Variants in APBB2 observed in about 807,000 individuals in gnomAD.
APBB2 encodes the protein Fe65-like 1.
In APBB2, 38 loss-of-function variants were observed where a neutral mutation model predicts 82.5. That is an observed-to-expected ratio of 0.46 (90% confidence interval 0.36 to 0.60). The LOEUF (loss-of-function observed/expected upper bound fraction) is 0.60. Among genes scored for constraint, APBB2 ranks in the 20% least tolerant of loss-of-function variants. APBB2 has a pLI of 0.00. For missense variants in APBB2, 772 were observed against 972.3 expected, an observed-to-expected ratio of 0.79 and a Z score of 2.74; for synonymous variants, 341 against 368.2, an observed-to-expected ratio of 0.93 and a Z score of 0.85.
At chr4:41,131,296 C>A (rs1755898945) in intron 2 of APBB2, among the ~76,000 whole-genome samples, 1 of 152,076 alleles carries the variant, frequency 6.6e-6, no homozygotes, top group African/African-American at 2.4e-5. Context: ...AGTTTGCTAT[C>A]TTTGTATTAG....
In APBB2 at chr4:40,816,068, AGCC is replaced by A. The variant is rs1475890659; in HGVS notation, c.*21_*23del. 6.2e-7 allele frequency: 1 copy of A among 1,602,982 alleles called. No homozygotes were observed. The highest frequency in any genetic ancestry group is 1.7e-5 in the Admixed American group (1 of 59,550). ...GTAGCTAGTCAATCTTCAGGTAAATAGCCGAGTCCTTTTGCATGTGCAGCTATG... is the reference window on the plus strand; with the variant it reads ...GTAGCTAGTCAATCTTCAGGTAAATAGAGTCCTTTTGCATGTGCAGCTATG... On this transcript the variant is annotated 3_prime_UTR_variant, in exon 18 of 18. Coordinates refer to ENST00000508593, the MANE Select transcript of APBB2 (RefSeq NM_004307.2).
rs191955778 is a variant in APBB2, at chr4:41,038,090, C to T, written c.-50-4786G>A. ...CTTCTAGCAGTGTTTCCACATGTCC[C>T]GTTAATGAAAATTCTTAATGCTGAT... On this transcript the variant is annotated intron_variant, in intron 4 of 17. Transcript: ENST00000508593. 8.4e-4 allele frequency among the ~76,000 whole-genome samples: 127 copies of T among 151,912 alleles called. 2 individuals carry two copies. The highest frequency in any genetic ancestry group is 2.8e-3 in the African/African-American group (114 of 41,434).
intron 6 of APBB2, among the ~76,000 whole-genome samples, chr4:40,976,990 A>T (rs1344280263): frequency 6.6e-6 from 1 of 152,186 alleles, no homozygotes; most frequent in Non-Finnish European, 1.5e-5. Context: ...TCGAGGCTAC[A>T]GTGAGCTATG....
intron 12 of APBB2, among the ~76,000 whole-genome samples, chr4:40,870,709 A>G (rs544849381): frequency 1.1e-4 from 16 of 150,096 alleles, no homozygotes; most frequent in South Asian, 8.5e-4. Flanking sequence ...ATATACATAT[A>G]TGTGTGTGTG....
intron 12 of APBB2, among the ~76,000 whole-genome samples, chr4:40,846,036 G>A (rs1052269411): frequency 6.9e-6 from 1 of 145,440 alleles, no homozygotes; most frequent in Non-Finnish European, 1.5e-5. Context: ...GTGTGTGTGT[G>A]TGTGTGTGTG....
chr4:41,131,271 T>C (rs1420876878), intron 2 of APBB2, among the ~76,000 whole-genome samples: 1 of 152,178 alleles, frequency 6.6e-6, no homozygotes, highest in African/African-American at 2.4e-5. Flanking sequence ...TGGGTCCCTG[T>C]CTTGTCGGCA....
chr4:41,042,797 A>G (rs1296268822), intron 4 of APBB2, among the ~76,000 whole-genome samples: 1 of 152,198 alleles, frequency 6.6e-6, no homozygotes, highest in Non-Finnish European at 1.5e-5. Context: ...CTCAGCAGAG[A>G]CTATGAGAAG....
intron 12 of APBB2, among the ~76,000 whole-genome samples, chr4:40,845,623 A>C: frequency 2.7e-5 from 4 of 146,076 alleles, no homozygotes; most frequent in Admixed American, 7.0e-5. Flanking sequence ...AAACCAGCAC[A>C]CCAGAATGAC....
At chr4:41,189,538 A>G (rs1483832509) in intron 1 of APBB2, among the ~76,000 whole-genome samples, 2 of 152,196 alleles carry the variant, frequency 1.3e-5, no homozygotes, top group African/African-American at 4.8e-5. Flanking sequence ...CATTACAGTG[A>G]CAGTAAATCC....
intron 12 of APBB2, among the ~76,000 whole-genome samples, chr4:40,888,427 C>T (rs183297294): frequency 9.2e-5 from 14 of 152,368 alleles, no homozygotes; most frequent in Admixed American, 5.2e-4. Flanking sequence ...CACTCGTACA[C>T]GCATGGAATG....
chr4:41,201,667 G>C (rs900542927), intron 1 of APBB2, among the ~76,000 whole-genome samples: 21 of 152,064 alleles, frequency 1.4e-4, no homozygotes, highest in African/African-American at 5.1e-4. Flanking sequence ...TTTAAACCCA[G>C]ATCTATACAG....
At chr4:40,816,371 G>A (rs1006263001) in intron 17 of APBB2, 112 bp from the exon 18 acceptor site, 1 of 1,080,976 alleles carries the variant, frequency 9.3e-7, no homozygotes, top group African/African-American at 1.6e-5. Context: ...TAACGACCTA[G>A]TTCCTAAACA....
At chr4:40,825,576 C>T (rs1209202464) in intron 15 of APBB2, among the ~76,000 whole-genome samples, 1 of 152,228 alleles carries the variant, frequency 6.6e-6, no homozygotes, top group East Asian at 1.9e-4. Context: ...ATGGAGGCCT[C>T]GTTTCAGAGC....
chr4:40,954,405 T>G (rs2154385587), intron 6 of APBB2, among the ~76,000 whole-genome samples: 2 of 152,176 alleles, frequency 1.3e-5, no homozygotes, highest in Admixed American at 1.3e-4. Flanking sequence ...GAAGGTGGCT[T>G]AATTAATTCA....
intron 1 of APBB2, among the ~76,000 whole-genome samples, chr4:41,146,487 C>T (rs1350557708): frequency 6.6e-6 from 1 of 152,016 alleles, no homozygotes; most frequent in Non-Finnish European, 1.5e-5. Context: ...GAACAAGACC[C>T]CGTCTCAGAA....
chr4:41,202,338 T>G (rs1001715582), intron 1 of APBB2, among the ~76,000 whole-genome samples: 1 of 152,238 alleles, frequency 6.6e-6, no homozygotes, highest in African/African-American at 2.4e-5. Context: ...CTGGCTAATT[T>G]CACTTAGCAT....
intron 12 of APBB2, among the ~76,000 whole-genome samples, chr4:40,839,249 A>G (rs1198735870): frequency 6.6e-6 from 1 of 151,682 alleles, no homozygotes. Context: ...GGCTCAAAAT[A>G]TATTTTTTCT....
At chr4:41,048,160 A>T (rs930160046) in intron 4 of APBB2, among the ~76,000 whole-genome samples, 2 of 152,216 alleles carry the variant, frequency 1.3e-5, no homozygotes, top group Non-Finnish European at 2.9e-5. Context: ...GAGCATCCCA[A>T]ATCCAAAAAT....
chr4:41,078,473 T>C (rs2153925660), intron 3 of APBB2, among the ~76,000 whole-genome samples: 1 of 152,366 alleles, frequency 6.6e-6, no homozygotes, highest in African/African-American at 2.4e-5. Flanking sequence ...TTTCATTTTC[T>C]ACTATAAACA....
Sources: gnomAD v4.1 joint callset for allele counts (sites outside exome capture counted in the v4.1 genomes callset) on GRCh38, gnomAD v4.1.1 for gene constraint, MANE v1.5 for transcripts, NCBI Gene and HGNC (gene_info 2026-07-23, HGNC 2026-07-21) for gene names.